GDAP1: variants seen among roughly 807,000 people sequenced by gnomAD.
GDAP1 encodes ganglioside induced differentiation associated protein 1, also known as ganglioside-induced differentiation-associated protein 1.
In GDAP1, 34 loss-of-function variants were observed where a neutral mutation model predicts 40.1. The ratio of observed to expected loss-of-function variants is 0.85; its 90% CI spans 0.64 to 1.13. GDAP1 has a LOEUF of 1.13. Ranked by LOEUF, GDAP1 falls within the 50% of genes most tolerant of loss-of-function variation. The probability of loss-of-function intolerance (pLI) is 0.00; values close to 1 mark genes in which losing one functional copy is unlikely to be tolerated. For synonymous variants in GDAP1, 170 were observed against 157.4 expected (o/e 1.08, Z -0.60); for missense variants, 374 against 433.7 (o/e 0.86, Z 1.22).
In GDAP1 at chr8:74,471,823, C is replaced by T. The variant is rs1253664486; in HGVS notation, c.166-16855C>T. Among the ~76,000 whole-genome samples, 4 of 152,096 alleles carry T rather than the reference C, an allele frequency of 2.6e-5. No individual in the cohort carries two copies. The South Asian group carries it at 8.3e-4, about 32-fold the overall frequency. On this transcript the variant is annotated intron_variant, in intron 2 of 2. Coordinates refer to the GDAP1 transcript ENST00000523640. ...TACTTGGCATATTGATTTTGAGATACATTATTGTTGTTCATATCAATTGTT... is the reference window on the plus strand; with the variant it reads ...TACTTGGCATATTGATTTTGAGATATATTATTGTTGTTCATATCAATTGTT...
chr8:74,468,122 T>C (rs994470878), intron 2 of GDAP1, among the ~76,000 whole-genome samples: 1 of 152,124 alleles, frequency 6.6e-6, no homozygotes, highest in Admixed American at 6.5e-5. Flanking sequence ...TTCTATTTTT[T>C]TTTGGTCTGT....
At chr8:74,469,596 G>C (rs1806519369) in intron 2 of GDAP1, among the ~76,000 whole-genome samples, 1 of 151,210 alleles carries the variant, frequency 6.6e-6, no homozygotes, top group African/African-American at 2.4e-5. Flanking sequence ...TGAACCCCGG[G>C]GAGCGGAGCT....
chr8:74,410,168 G>A (rs1563461406), intron 2 of GDAP1, among the ~76,000 whole-genome samples: 1 of 150,014 alleles, frequency 6.7e-6, no homozygotes, highest in Non-Finnish European at 1.5e-5. Flanking sequence ...GTTAAATGAA[G>A]TCACCATGGG....
At chr8:74,427,373 T>C (rs1428591960) in intron 2 of GDAP1, among the ~76,000 whole-genome samples, 1 of 152,198 alleles carries the variant, frequency 6.6e-6, no homozygotes. Context: ...TAAAATCTGC[T>C]TTTTATTAAG....
intron 2 of GDAP1, among the ~76,000 whole-genome samples, chr8:74,385,803 A>G (rs766177473): frequency 6.6e-6 from 1 of 152,304 alleles, no homozygotes; most frequent in Middle Eastern, 3.4e-3. Flanking sequence ...AACTCCCACC[A>G]ACAGTATAAA....
chr8:74,459,374 T>G (rs1806372999), intron 2 of GDAP1, among the ~76,000 whole-genome samples: 1 of 152,184 alleles, frequency 6.6e-6, no homozygotes, highest in South Asian at 2.1e-4. Context: ...CTCTCAATCT[T>G]GAGTGTGCAT....
At chr8:74,422,261 CTTTT>C (rs1342113704) in intron 2 of GDAP1, among the ~76,000 whole-genome samples, 5 of 113,088 alleles carry the variant, frequency 4.4e-5, no homozygotes, top group Non-Finnish European at 7.3e-5. Flanking sequence ...TTCTTTCTTT[CTTTT>C]TCTTTTCTTT....
downstream of GDAP1, among the ~76,000 whole-genome samples, chr8:74,369,093 A>G (rs780669204): frequency 2.6e-5 from 4 of 152,182 alleles, no homozygotes; most frequent in Non-Finnish European, 5.9e-5. Context: ...TGTGCCCTCC[A>G]TAACAAAGCA....
intron 2 of GDAP1, among the ~76,000 whole-genome samples, chr8:74,483,570 T>C (rs1051421949): frequency 2.6e-5 from 4 of 152,296 alleles, no homozygotes; most frequent in African/African-American, 9.6e-5. Flanking sequence ...AGTCATCTTT[T>C]ATAGGGTTAT....
At chr8:74,488,317 A>G (rs1054453954) in intron 2 of GDAP1, among the ~76,000 whole-genome samples, 2 of 152,136 alleles carry the variant, frequency 1.3e-5, no homozygotes, top group Non-Finnish European at 2.9e-5. Flanking sequence ...CCAAAATATC[A>G]CTGTTGGATT....
chr8:74,466,974 C>G (rs1372147945), intron 2 of GDAP1, among the ~76,000 whole-genome samples: 1 of 152,192 alleles, frequency 6.6e-6, no homozygotes, highest in African/African-American at 2.4e-5. Flanking sequence ...ATCACGGACT[C>G]TAATCCATAG....
At chr8:74,436,078 A>C (rs1270143418) in intron 2 of GDAP1, among the ~76,000 whole-genome samples, 3 of 152,222 alleles carry the variant, frequency 2.0e-5, no homozygotes, top group Non-Finnish European at 4.4e-5. Flanking sequence ...CATCTGACCC[A>C]TGCCATGGCA....
chr8:74,384,195 C>T (rs761472818), intron 2 of GDAP1, among the ~76,000 whole-genome samples: 2 of 151,922 alleles, frequency 1.3e-5, no homozygotes, highest in African/African-American at 2.4e-5. Context: ...CTTTCTTCCC[C>T]GAGAAGATTG....
intron 2 of GDAP1, among the ~76,000 whole-genome samples, chr8:74,375,448 A>G (rs1201394992): frequency 6.6e-6 from 1 of 152,246 alleles, no homozygotes; most frequent in Non-Finnish European, 1.5e-5. Flanking sequence ...TAGCCAGTAG[A>G]GTTCATATAA....
chr8:74,414,345 T>C (rs765109165), intron 2 of GDAP1, among the ~76,000 whole-genome samples: 2 of 150,134 alleles, frequency 1.3e-5, no homozygotes, highest in Non-Finnish European at 2.9e-5. Flanking sequence ...GTTGGAGTTA[T>C]GTGACAAGGG....
intron 2 of GDAP1, among the ~76,000 whole-genome samples, chr8:74,379,705 G>A (rs938758362): frequency 7.2e-5 from 11 of 152,110 alleles, no homozygotes; most frequent in African/African-American, 1.9e-4. Context: ...GATCTGGATC[G>A]GTTCAACATT....
intron 2 of GDAP1, among the ~76,000 whole-genome samples, chr8:74,396,354 T>TTTA (rs993148799): frequency 1.3e-3 from 194 of 151,150 alleles, no homozygotes; most frequent in Admixed American, 3.6e-3. Flanking sequence ...TTCCTTTTAT[T>TTTA]TTATTATTAT....
intron 2 of GDAP1, among the ~76,000 whole-genome samples, chr8:74,464,986 A>C (rs913504539): frequency 2.0e-5 from 3 of 152,032 alleles, no homozygotes; most frequent in Non-Finnish European, 2.9e-5. Context: ...TTGGGAGGCC[A>C]AGGCGGGTAG....
chr8:74,414,743 A>C (rs1171165367), intron 2 of GDAP1, among the ~76,000 whole-genome samples: 1 of 150,138 alleles, frequency 6.7e-6, no homozygotes, highest in Non-Finnish European at 1.5e-5. Flanking sequence ...ATGAGGATAA[A>C]GAATGCAAAA....
Sources: gnomAD v4.1 joint callset for allele counts (sites outside exome capture counted in the v4.1 genomes callset) on GRCh38, gnomAD v4.1.1 for gene constraint, MANE v1.5 for transcripts, NCBI Gene and HGNC (gene_info 2026-07-23, HGNC 2026-07-21) for gene names.